The following SHC4 variants were observed in gnomAD, a reference collection of about 807,000 sequenced individuals.
SHC4 encodes SHC-transforming protein 4.
Under a neutral mutation model 69.4 loss-of-function variants are expected in SHC4, and 41 were observed. The observed-to-expected ratio is 0.59, with a 90% CI of 0.46 to 0.77. The LOEUF is 0.77. SHC4 is among the 30% of genes least tolerant of loss of function. SHC4 has a pLI of 0.00. For synonymous variants in SHC4, 318 were observed against 299.3 expected, an observed-to-expected ratio of 1.06 and a Z score of -0.64; for missense variants, 777 against 783.8, an observed-to-expected ratio of 0.99 and a Z score of 0.10.
chr15:48,932,485 T>A (rs1022929788), intron 1 of SHC4, among the ~76,000 whole-genome samples: 18 of 152,162 alleles, frequency 1.2e-4, no homozygotes, highest in African/African-American at 3.6e-4. Context: ...CTTGCTGAAC[T>A]CTTTAGCCTT....
chr15:48,895,362 AAGG>A (rs1167555631), intron 2 of SHC4, among the ~76,000 whole-genome samples: 2 of 152,154 alleles, frequency 1.3e-5, no homozygotes, highest in Admixed American at 1.3e-4. Context: ...GATGGATAAA[AAGG>A]AGGGAGTCCT....
intron 2 of SHC4, among the ~76,000 whole-genome samples, chr15:48,898,306 T>G (rs529833861): frequency 7.2e-5 from 11 of 152,228 alleles, no homozygotes; most frequent in Admixed American, 2.6e-4. Flanking sequence ...CACAGACCAG[T>G]TGAAAATGGA....
Position 48,962,973 on chromosome 15 carries a change from A to G in SHC4, c.43T>C (p.Tyr15His), listed in dbSNP as rs377153691. 14 of 1,612,408 alleles carry G rather than the reference A, an allele frequency of 8.7e-6. No homozygotes were observed. The highest frequency in any genetic ancestry group is 1.3e-5 in the African/African-American group (1 of 74,922). Reference protein sequence around the residue: ...GQDSLAGLVLYVGLFGHPGML... With the variant: ...GQDSLAGLVLHVGLFGHPGML... ...CCGGGGTGCCCGAAGAGTCCTACATACAGCACGAGTCCTGCCAGGCTGTCC... is the reference window on the plus strand; with the variant it reads ...CCGGGGTGCCCGAAGAGTCCTACATGCAGCACGAGTCCTGCCAGGCTGTCC... The change falls in exon 1 of 12, where the codon TAT (tyrosine) becomes CAT (histidine). Residue 15 changes from tyrosine (Y) to histidine (H), a missense_variant. Transcript: ENST00000332408.
intron 1 of SHC4, chr15:48,946,126 T>C (rs1901272491): frequency 6.6e-6 from 1 of 152,238 alleles, no homozygotes; most frequent in South Asian, 2.1e-4. Context: ...TCGAGATTCT[T>C]ACTGGTGAGT....
chr15:48,912,943 T>A (rs1013074636), intron 2 of SHC4, among the ~76,000 whole-genome samples: 4 of 151,048 alleles, frequency 2.6e-5, no homozygotes, highest in Admixed American at 6.6e-5. Context: ...ATGTGAACTG[T>A]CTATGGGTCT....
At chr15:48,888,076 A>G (rs1422677546) in intron 3 of SHC4, among the ~76,000 whole-genome samples, 2 of 152,228 alleles carry the variant, frequency 1.3e-5, no homozygotes, top group Admixed American at 6.5e-5. Flanking sequence ...AAAAATTAAA[A>G]AATAGAATAA....
rs144455840 is a variant in SHC4 at position 48,870,037 on chromosome 15, A to C, written c.894+2052T>G. ...AACAATAACAGAAATCATTCAGGGC[A>C]TGCCTTGAGTAAATGTTTGCGCACC... On this transcript the variant is annotated intron_variant, in intron 5 of 11. Transcript: ENST00000332408. Among the ~76,000 whole-genome samples, 302 of 152,368 alleles carry C rather than the reference A, an allele frequency of 2.0e-3. 1 individual carries two copies. The highest frequency in any genetic ancestry group is 7.1e-3 in the African/African-American group (294 of 41,596).
chr15:48,857,831 C>A lies in SHC4; in HGVS notation c.947-16G>T. The A allele has an allele frequency of 6.7e-7, 1 of 1,486,926 alleles. No homozygotes were observed. Among genetic ancestry groups the A allele is most frequent in the East Asian group, 2.4e-5 (1 of 42,178 alleles). 92.1% of individuals were successfully genotyped at this position (1,486,926 alleles called of 1,614,324 possible). On this transcript the variant is annotated splice_polypyrimidine_tract_variant and intron_variant, in intron 6 of 11. Coordinates refer to ENST00000332408, the MANE Select transcript of SHC4 (RefSeq NM_203349.4). ...ATGTGACAGGCTGCAAGAGGACATACAAAAAATAATATTATAATAAATTTT... is the reference window on the plus strand; with the variant it reads ...ATGTGACAGGCTGCAAGAGGACATAAAAAAAATAATATTATAATAAATTTT...
At chr15:48,890,918 T>C (rs532115164) in intron 2 of SHC4, 107 bp from the exon 3 acceptor site, 2 of 1,136,966 alleles carry the variant, frequency 1.8e-6, no homozygotes, top group Admixed American at 3.8e-5. Context: ...ACATACATAA[T>C]AGTGAGTCTA....
intron 4 of SHC4, among the ~76,000 whole-genome samples, chr15:48,874,711 T>TA (rs1331476013): frequency 3.9e-5 from 6 of 152,164 alleles, no homozygotes; most frequent in Non-Finnish European, 5.9e-5. Flanking sequence ...GAGACCATAA[T>TA]AAATCAATTG....
chr15:48,890,413 T>C (rs1485398759), intron 3 of SHC4, among the ~76,000 whole-genome samples: 2 of 152,196 alleles, frequency 1.3e-5, no homozygotes, highest in Non-Finnish European at 2.9e-5. Context: ...TTAGTGCAAC[T>C]CCCTAACTCC....
chr15:48,829,137 G>T (rs1206880714), intron 11 of SHC4, among the ~76,000 whole-genome samples: 1 of 152,102 alleles, frequency 6.6e-6, no homozygotes, highest in Non-Finnish European at 1.5e-5. Flanking sequence ...AATTTGTCAA[G>T]ACTTGTCTTG....
intron 2 of SHC4, among the ~76,000 whole-genome samples, chr15:48,911,979 A>C (rs1355037025): frequency 6.6e-6 from 1 of 152,176 alleles, no homozygotes; most frequent in Non-Finnish European, 1.5e-5. Context: ...TTAATCTAAT[A>C]GGTTTTCCTT....
chr15:48,953,187 G>T (rs1384539057), intron 1 of SHC4, among the ~76,000 whole-genome samples: 1 of 152,162 alleles, frequency 6.6e-6, no homozygotes, highest in East Asian at 1.9e-4. Flanking sequence ...AATACTGCAT[G>T]TTCTCACTTA....
chr15:48,834,377 A>T (rs1054199703), intron 11 of SHC4, among the ~76,000 whole-genome samples: 13 of 152,182 alleles, frequency 8.5e-5, no homozygotes, highest in African/African-American at 3.1e-4. Context: ...CTTTGGTTGA[A>T]CCATTCTTAT....
intron 8 of SHC4, 79 bp downstream of exon 8, chr15:48,855,874 G>A: frequency 1.4e-6 from 2 of 1,422,860 alleles, no homozygotes; most frequent in Non-Finnish European, 1.9e-6. Flanking sequence ...ACTAGCATTT[G>A]GAAATCCTCA....
At chr15:48,843,768 A>G (rs1899038886) in intron 9 of SHC4, among the ~76,000 whole-genome samples, 180 bp from the exon 10 acceptor site, 1 of 152,178 alleles carries the variant, frequency 6.6e-6, no homozygotes, top group Non-Finnish European at 1.5e-5. Flanking sequence ...CTCTGAGGGA[A>G]AGCCACCCTT....
At chr15:48,840,727 A>G (rs997503039) in intron 10 of SHC4, among the ~76,000 whole-genome samples, 1 of 152,212 alleles carries the variant, frequency 6.6e-6, no homozygotes, top group African/African-American at 2.4e-5. Context: ...AAATGTTCTT[A>G]AATCAACATA....
intron 6 of SHC4, among the ~76,000 whole-genome samples, chr15:48,865,547 TAAAAG>T: frequency 6.6e-6 from 1 of 152,218 alleles, no homozygotes; most frequent in Non-Finnish European, 1.5e-5. Flanking sequence ...TATTCCCACT[TAAAAG>T]ATAAGGAAAT....
Sources: gnomAD v4.1 joint callset for allele counts (sites outside exome capture counted in the v4.1 genomes callset) on GRCh38, gnomAD v4.1.1 for gene constraint, MANE v1.5 for transcripts, NCBI Gene and HGNC (gene_info 2026-07-23, HGNC 2026-07-21) for gene names.